ZMAT4: variants seen among roughly 807,000 people sequenced by gnomAD.
ZMAT4 encodes the protein zinc finger matrin-type 4.
ZMAT4 carries 17 observed loss-of-function variants against 28.7 expected under a neutral mutation model. The observed-to-expected ratio is 0.59, with a 90% CI of 0.41 to 0.89. ZMAT4 has a LOEUF of 0.89. Ranked by LOEUF, ZMAT4 falls within the 40% of genes least tolerant of loss-of-function variation. ZMAT4 has a pLI of 0.00. For missense variants in ZMAT4, 240 were observed against 283.8 expected (o/e 0.85, Z 1.11); for synonymous variants, 117 against 109.2 (o/e 1.07, Z -0.44).
chr8:40,879,350 G>A (rs774524167), intron 1 of ZMAT4, among the ~76,000 whole-genome samples: 31 of 152,162 alleles, frequency 2.0e-4, no homozygotes, highest in Non-Finnish European at 3.8e-4. Flanking sequence ...TTGAACCCAG[G>A]ACTTCCAGTC....
intron 3 of ZMAT4, among the ~76,000 whole-genome samples, chr8:40,721,390 T>C (rs1192465825): frequency 1.2e-4 from 16 of 136,514 alleles, no homozygotes; most frequent in African/African-American, 4.5e-4. Context: ...GTTGGACATT[T>C]GGGTTGGTTC....
chr8:40,868,065 T>C (rs1356241202), intron 1 of ZMAT4, among the ~76,000 whole-genome samples: 1 of 152,168 alleles, frequency 6.6e-6, no homozygotes, highest in African/African-American at 2.4e-5. Flanking sequence ...AGCACAAATA[T>C]ATTAACAAAT....
intron 3 of ZMAT4, among the ~76,000 whole-genome samples, chr8:40,727,624 T>C (rs1303332503): frequency 6.6e-6 from 1 of 152,226 alleles, no homozygotes; most frequent in Non-Finnish European, 1.5e-5. Context: ...CAGAGTGGCA[T>C]GAATCCCATT....
At chr8:40,559,937 T>A (rs1417771945) in intron 6 of ZMAT4, among the ~76,000 whole-genome samples, 1 of 152,086 alleles carries the variant, frequency 6.6e-6, no homozygotes, top group Non-Finnish European at 1.5e-5. Flanking sequence ...GGGATCAAAC[T>A]TATGCAATAA....
intron 1 of ZMAT4, chr8:40,884,851 TTA>T (rs1229452162): frequency 6.6e-6 from 1 of 152,226 alleles, no homozygotes; most frequent in African/African-American, 2.4e-5. Context: ...GCTCCTTCAT[TTA>T]TATGTCCTCT....
intron 6 of ZMAT4, among the ~76,000 whole-genome samples, chr8:40,565,758 CTT>C (rs113385364): frequency 4.3e-5 from 6 of 140,660 alleles, no homozygotes; most frequent in Admixed American, 7.2e-5. Flanking sequence ...TCCAGGCTAC[CTT>C]TTTTTTTTTT....
intron 5 of ZMAT4, among the ~76,000 whole-genome samples, chr8:40,629,118 A>G (rs1483126523): frequency 1.3e-5 from 2 of 149,656 alleles, no homozygotes; most frequent in African/African-American, 4.9e-5. Context: ...TTCGACCTCT[A>G]TCTTATTTTT....
intron 5 of ZMAT4, among the ~76,000 whole-genome samples, chr8:40,659,067 C>T (rs1808066952): frequency 1.3e-5 from 2 of 152,068 alleles, no homozygotes; most frequent in Non-Finnish European, 2.9e-5. Context: ...CGCATGGTAA[C>T]CACACTTGGA....
chr8:40,556,497 T>C (rs972877231), intron 6 of ZMAT4, among the ~76,000 whole-genome samples: 98 of 152,286 alleles, frequency 6.4e-4, no homozygotes, highest in African/African-American at 2.3e-3. Flanking sequence ...GTGTTGTTAA[T>C]GTCTTAGATA....
Position 40,855,790 on chromosome 8 carries a change from T to C in ZMAT4, c.-4-30110A>G, listed in dbSNP as rs150826948. On this transcript the variant is annotated intron_variant, in intron 1 of 6. Transcript: ENST00000297737. ...TCCTGGGCTCAAGCAATCTTCTCACTTCAGCCTCCTGAGTAGCTGGGACTA... is the reference window on the plus strand; with the variant it reads ...TCCTGGGCTCAAGCAATCTTCTCACCTCAGCCTCCTGAGTAGCTGGGACTA... Among the ~76,000 whole-genome samples the C allele has an allele frequency of 9.0e-3, 1,373 of 152,078 alleles. 19 individuals carry two copies. The highest frequency in any genetic ancestry group is 0.032 in the African/African-American group (1,312 of 41,466).
intron 3 of ZMAT4, among the ~76,000 whole-genome samples, chr8:40,720,592 A>T (rs1034898430): frequency 7.3e-6 from 1 of 136,852 alleles, no homozygotes; most frequent in Admixed American, 8.2e-5. Context: ...CAGTGGCATG[A>T]TTTTGGCTCA....
intron 4 of ZMAT4, among the ~76,000 whole-genome samples, chr8:40,679,061 T>TA (rs1434370392): frequency 6.6e-6 from 1 of 152,158 alleles, no homozygotes; most frequent in African/African-American, 2.4e-5. Flanking sequence ...TCAGAGTCTA[T>TA]AAAATCAATG....
intron 2 of ZMAT4, among the ~76,000 whole-genome samples, chr8:40,817,933 G>T (rs1227533146): frequency 6.6e-6 from 1 of 152,188 alleles, no homozygotes; most frequent in Non-Finnish European, 1.5e-5. Flanking sequence ...TCTCCTGCAG[G>T]TAGGTGGGCT....
chr8:40,630,703 T>G (rs1295553105), intron 5 of ZMAT4, among the ~76,000 whole-genome samples: 1 of 152,226 alleles, frequency 6.6e-6, no homozygotes, highest in Non-Finnish European at 1.5e-5. Flanking sequence ...TGCATACATG[T>G]GCACGAATTT....
At chr8:40,757,312 C>G (rs1054587254) in intron 3 of ZMAT4, among the ~76,000 whole-genome samples, 3 of 152,074 alleles carry the variant, frequency 2.0e-5, no homozygotes, top group African/African-American at 7.2e-5. Context: ...AATGAGTAGG[C>G]GAATCTGCTC....
chr8:40,838,115 A>T (rs1031909677), intron 1 of ZMAT4, among the ~76,000 whole-genome samples: 13 of 152,316 alleles, frequency 8.5e-5, no homozygotes, highest in South Asian at 2.1e-4. Context: ...AACAGCCCTG[A>T]TGCTGGGGAG....
At chr8:40,795,998 T>G (rs1456834145) in intron 2 of ZMAT4, among the ~76,000 whole-genome samples, 1 of 152,212 alleles carries the variant, frequency 6.6e-6, no homozygotes, top group East Asian at 1.9e-4. Flanking sequence ...ACTCAGAGTC[T>G]TCAATAGCAA....
chr8:40,785,374 C>A (rs746874658), intron 2 of ZMAT4, among the ~76,000 whole-genome samples: 2 of 152,220 alleles, frequency 1.3e-5, no homozygotes, highest in Non-Finnish European at 2.9e-5. Context: ...AAACCACAAC[C>A]CTTTGGCAAA....
At chr8:40,653,618 T>C (rs987975208) in intron 5 of ZMAT4, among the ~76,000 whole-genome samples, 6 of 152,150 alleles carry the variant, frequency 3.9e-5, no homozygotes, top group African/African-American at 1.4e-4. Context: ...GAAAGGATTG[T>C]TAGTTAATAC....
Sources: allele counts gnomAD v4.1 joint callset (sites outside exome capture counted in the v4.1 genomes callset), GRCh38; gene constraint gnomAD v4.1.1; transcripts MANE v1.5; gene names NCBI Gene and HGNC (gene_info 2026-07-23, HGNC 2026-07-21).